The following TNS3 variants were observed in gnomAD, a reference collection of about 807,000 sequenced individuals.
TNS3 encodes tensin 3.
A neutral mutation model predicts 140.9 loss-of-function variants in TNS3; 45 were observed. The ratio of observed to expected loss-of-function variants is 0.32; its 90% CI spans 0.25 to 0.41. The LOEUF (loss-of-function observed/expected upper bound fraction) is 0.41. TNS3 is among the 10% of genes least tolerant of loss of function. The pLI, the probability that TNS3 is intolerant of heterozygous loss-of-function variation, is 1.00. For missense variants in TNS3, 1,716 were observed against 1,906.7 expected, an observed-to-expected ratio of 0.90 and a Z score of 1.86; for synonymous variants, 815 against 788.4, an observed-to-expected ratio of 1.03 and a Z score of -0.56.
intron 1 of TNS3, among the ~76,000 whole-genome samples, chr7:47,536,982 C>A (rs1486166900): frequency 6.6e-6 from 1 of 151,978 alleles, no homozygotes; most frequent in Non-Finnish European, 1.5e-5. Context: ...TGAAGGCGCC[C>A]GTGCCTCGCG....
chr7:47,298,967 G>A (rs973611116), intron 23 of TNS3, among the ~76,000 whole-genome samples: 2 of 152,190 alleles, frequency 1.3e-5, no homozygotes, highest in Non-Finnish European at 2.9e-5. Flanking sequence ...GAGACTGCTG[G>A]TAGCTCCAGC....
At chr7:47,363,989 T>A (rs775073658) in intron 17 of TNS3, among the ~76,000 whole-genome samples, 10 of 152,050 alleles carry the variant, frequency 6.6e-5, no homozygotes, top group Non-Finnish European at 1.0e-4. Flanking sequence ...CTAGGACACC[T>A]TCAAAGTGCA....
At chr7:47,386,752 C>G (rs990692129) in intron 16 of TNS3, among the ~76,000 whole-genome samples, 3 of 152,256 alleles carry the variant, frequency 2.0e-5, no homozygotes, top group Non-Finnish European at 2.9e-5. Context: ...GTCAGAATTG[C>G]TCCTATCGGC....
At chr7:47,508,862 G>A (rs933848929) in intron 2 of TNS3, among the ~76,000 whole-genome samples, 2 of 152,182 alleles carry the variant, frequency 1.3e-5, no homozygotes, top group African/African-American at 4.8e-5. Context: ...CCCATGGAGA[G>A]GAACTGAGGC....
intron 8 of TNS3, among the ~76,000 whole-genome samples, chr7:47,429,826 A>G (rs1243056271): frequency 6.6e-6 from 1 of 152,236 alleles, no homozygotes; most frequent in African/African-American, 2.4e-5. Context: ...CCAGTCATAC[A>G]TGAAAGTCAC....
chr7:47,377,297 G>A (rs1456845178), intron 16 of TNS3, among the ~76,000 whole-genome samples: 1 of 152,228 alleles, frequency 6.6e-6, no homozygotes, highest in Non-Finnish European at 1.5e-5. Flanking sequence ...GTGCTCATCT[G>A]CAGGCAGTCT....
At chr7:47,493,118 A>G (rs7803908) in intron 3 of TNS3, among the ~76,000 whole-genome samples, 43,602 of 152,138 alleles carry the variant, frequency 0.29, 6,724 homozygotes, top group African/African-American at 0.39. Context: ...GGGGATGCCC[A>G]GATCTCGAAT....
At chr7:47,345,315 G>C (rs1054025672) in intron 18 of TNS3, among the ~76,000 whole-genome samples, 6 of 152,240 alleles carry the variant, frequency 3.9e-5, no homozygotes, top group African/African-American at 1.4e-4. Flanking sequence ...AAGTGAAGTA[G>C]ACAGAGTTTG....
chr7:47,297,385 G>A (rs185838820), intron 23 of TNS3, among the ~76,000 whole-genome samples, 172 bp from the exon 24 acceptor site: 17 of 152,184 alleles, frequency 1.1e-4, no homozygotes, highest in African/African-American at 3.4e-4. Flanking sequence ...ATGCAGTTGA[G>A]GGACCTTCAG....
At chr7:47,483,743 G>C (rs981050378) in intron 3 of TNS3, among the ~76,000 whole-genome samples, 1 of 152,194 alleles carries the variant, frequency 6.6e-6, no homozygotes, top group Non-Finnish European at 1.5e-5. Flanking sequence ...GAAAAGGAGA[G>C]GTGAGCTCTG....
intron 1 of TNS3, among the ~76,000 whole-genome samples, chr7:47,537,794 T>C (rs2151958675): frequency 6.6e-6 from 1 of 152,254 alleles, no homozygotes; most frequent in Middle Eastern, 3.4e-3. Context: ...AAGGCTTTTT[T>C]TCTAATTTGC....
At chr7:47,284,833 A>G (rs1785330852) in intron 27 of TNS3, among the ~76,000 whole-genome samples, 1 of 152,238 alleles carries the variant, frequency 6.6e-6, no homozygotes, top group Admixed American at 6.5e-5. Context: ...ACAGCAACAC[A>G]TCTCAGCACT....
intron 20 of TNS3, among the ~76,000 whole-genome samples, chr7:47,344,261 G>A (rs1416731201): frequency 1.3e-5 from 2 of 152,146 alleles, no homozygotes; most frequent in Admixed American, 6.5e-5. Flanking sequence ...CAGACAGACG[G>A]ACGCGATCAG....
intron 4 of TNS3, among the ~76,000 whole-genome samples, chr7:47,457,268 G>C (rs1349287840): frequency 2.0e-5 from 3 of 151,922 alleles, no homozygotes; most frequent in Non-Finnish European, 4.4e-5. Flanking sequence ...TTCATTCTAA[G>C]CTAGCTGGGT....
At position 47,442,062 on chromosome 7, in the gene TNS3, A is replaced by G; in HGVS notation, c.-75-7T>C. ...GCGTGGAACTCCCTGGAGCCTGCAAATAACAAAACAAGGGTCATTTTGAAG... is the reference window on the plus strand; with the variant it reads ...GCGTGGAACTCCCTGGAGCCTGCAAGTAACAAAACAAGGGTCATTTTGAAG... On this transcript the variant is annotated splice_polypyrimidine_tract_variant and splice_region_variant and intron_variant, in intron 4 of 30. Coordinates refer to ENST00000311160, the MANE Select transcript of TNS3 (RefSeq NM_022748.12). The G allele has an allele frequency of 5.5e-6, 7 of 1,270,582 alleles. No homozygotes were observed. The highest frequency in any genetic ancestry group is 7.1e-6 in the Non-Finnish European group (7 of 982,538). 78.7% of individuals were successfully genotyped at this position (1,270,582 alleles called of 1,614,324 possible). A position where few individuals can be genotyped will look rare whatever the true frequency, so the allele number is the denominator to read the frequency against.
intron 7 of TNS3, among the ~76,000 whole-genome samples, chr7:47,436,231 T>C (rs1233832202): frequency 5.3e-5 from 8 of 152,232 alleles, no homozygotes; most frequent in African/African-American, 1.9e-4. Context: ...TTTAGCATAA[T>C]TGAGATACTA....
intron 4 of TNS3, among the ~76,000 whole-genome samples, chr7:47,464,692 A>G (rs1796631327): frequency 6.6e-6 from 1 of 152,080 alleles, no homozygotes; most frequent in Non-Finnish European, 1.5e-5. Context: ...CTTAGATGAC[A>G]CTCTGAGATC....
intron 1 of TNS3, chr7:47,539,343 C>G (rs926760968): frequency 8.7e-6 from 3 of 343,396 alleles, no homozygotes; most frequent in Admixed American, 3.8e-5. Context: ...TCCCACACTT[C>G]GTTACTAGTA....
intron 20 of TNS3, among the ~76,000 whole-genome samples, chr7:47,327,466 G>A (rs1026198219): frequency 1.3e-5 from 2 of 152,154 alleles, no homozygotes; most frequent in Non-Finnish European, 2.9e-5. Flanking sequence ...CCTGCTGCCC[G>A]CTGCCCGGGA....
Sources: gnomAD v4.1 joint callset for allele counts (sites outside exome capture counted in the v4.1 genomes callset) on GRCh38, gnomAD v4.1.1 for gene constraint, MANE v1.5 for transcripts, NCBI Gene and HGNC (gene_info 2026-07-23, HGNC 2026-07-21) for gene names.